MME: variants seen among roughly 807,000 people sequenced by gnomAD.
MME encodes neprilysin.
A neutral mutation model predicts 113.2 loss-of-function variants in MME; 98 were observed. The observed-to-expected ratio is 0.87, with a 90% CI of 0.74 to 1.02. The LOEUF is 1.02. Ranked by LOEUF, MME falls within the 50% of genes least tolerant of loss-of-function variation. The pLI is 0.00. For missense variants in MME, 836 were observed against 896.0 expected (o/e 0.93, Z 0.86); for synonymous variants, 292 against 300.6 (o/e 0.97, Z 0.30).
chr3:155,073,061 CT>C (rs1488267871), intron 1 of MME, among the ~76,000 whole-genome samples: 1 of 152,160 alleles, frequency 6.6e-6, no homozygotes, highest in Non-Finnish European at 1.5e-5. Context: ...ATTTTTATCA[CT>C]ACCGGTTTCC....
intron 1 of MME, among the ~76,000 whole-genome samples, chr3:155,044,934 ATT>A (rs74270351): frequency 8.3e-5 from 12 of 144,418 alleles, no homozygotes; most frequent in Admixed American, 1.4e-4. Flanking sequence ...TTGGTCTGCA[ATT>A]TTTTTTTTTT....
rs1238031645 is a variant in MME at position 155,180,382 on chromosome 3, T to C, written c.2176T>C (p.Ser726Pro). 6.2e-7 allele frequency: 1 copy of C among 1,613,642 alleles called. No homozygotes were observed. The highest frequency in any genetic ancestry group is 2.2e-5 in the East Asian group (1 of 44,880). ...NFRIIGTLQNSAEFSEAFHCR... is the reference protein window; with the variant it reads ...NFRIIGTLQNPAEFSEAFHCR... ...AAGGATTATTGGGACTTTGCAGAAC[T>C]CTGCAGAGTTTTCAGAAGCCTTTCA... The change falls in exon 23 of 23, where the codon TCT (serine) becomes CCT (proline). Residue 726 changes from serine to proline, a missense_variant. Ser to Pro is a moderately conservative substitution (Grantham distance 74). Coordinates refer to ENST00000360490, the MANE Select transcript of MME (RefSeq NM_007289.4).
chr3:155,106,879 C>G (rs906848460), intron 3 of MME, among the ~76,000 whole-genome samples: 2 of 152,194 alleles, frequency 1.3e-5, no homozygotes, highest in South Asian at 2.1e-4. Flanking sequence ...CAACATTTCT[C>G]TGACCTCTGT....
rs1402177037 is a variant in MME at position 155,138,219 on chromosome 3, G to T, written c.838G>T (p.Glu280Ter). 1 of 1,613,456 alleles carries T rather than the reference G, an allele frequency of 6.2e-7. No individual in the cohort carries two copies. Among genetic ancestry groups the T allele is most frequent in the Non-Finnish European group, 8.5e-7 (1 of 1,179,664 alleles). Reference sequence around the variant, plus strand: ...GGAAATGAATAAAGTTATGGAATTGGAAAAAGAAATTGCCAATGTAAAACA... The same window carrying T: ...GGAAATGAATAAAGTTATGGAATTGTAAAAAGAAATTGCCAATGTAAAACA... ...ALEMNKVMEL[E>*]KEIANATAKP... The change falls in exon 9 of 23, where the codon GAA becomes TAA. Residue 280 changes from glutamate (E) to a stop codon, truncating the protein, a stop_gained. Coordinates refer to ENST00000360490, the MANE Select transcript of MME (RefSeq NM_007289.4). LOFTEE classifies it high-confidence loss of function.
At chr3:155,103,694 G>T (rs934712066) in intron 3 of MME, among the ~76,000 whole-genome samples, 1 of 152,134 alleles carries the variant, frequency 6.6e-6, no homozygotes, top group Non-Finnish European at 1.5e-5. Flanking sequence ...ACTGTGGTTT[G>T]TTCTGAATTC....
chr3:155,179,703 T>C (rs899638098), intron 22 of MME, among the ~76,000 whole-genome samples: 11 of 152,132 alleles, frequency 7.2e-5, no homozygotes, highest in Admixed American at 7.2e-4. Flanking sequence ...CAAACACTGC[T>C]AGGTGCAGAT....
chr3:155,158,069 C>T (rs565891076), intron 16 of MME, among the ~76,000 whole-genome samples: 2 of 152,164 alleles, frequency 1.3e-5, no homozygotes, highest in East Asian at 1.9e-4. Flanking sequence ...AAACTTCATT[C>T]GTGTCCTACT....
chr3:155,124,903 C>T (rs1324140221), intron 8 of MME, among the ~76,000 whole-genome samples: 1 of 152,330 alleles, frequency 6.6e-6, no homozygotes, highest in Non-Finnish European at 1.5e-5. Flanking sequence ...AGAGGTGGAG[C>T]CTATAGTGGC....
At chr3:155,068,278 G>A (rs1410922344) in intron 1 of MME, among the ~76,000 whole-genome samples, 1 of 152,216 alleles carries the variant, frequency 6.6e-6, no homozygotes, top group Non-Finnish European at 1.5e-5. Flanking sequence ...CTAAGAATAA[G>A]AGATAGGTGG....
chr3:155,040,405 GC>G (rs1463724623), intron 1 of MME, among the ~76,000 whole-genome samples: 1 of 152,016 alleles, frequency 6.6e-6, no homozygotes, highest in Non-Finnish European at 1.5e-5. Flanking sequence ...ACAGACACTT[GC>G]CTATGATGTC....
intron 3 of MME, among the ~76,000 whole-genome samples, chr3:155,094,171 G>A (rs964847354): frequency 6.6e-6 from 1 of 152,192 alleles, no homozygotes; most frequent in Admixed American, 6.5e-5. Context: ...GAGTAACGGA[G>A]GCACAATTTT....
chr3:155,045,357 C>CCT (rs1214021175), intron 1 of MME, among the ~76,000 whole-genome samples: 1 of 151,920 alleles, frequency 6.6e-6, no homozygotes, highest in Non-Finnish European at 1.5e-5. Context: ...TCCATGTTGG[C>CCT]CGGGATGGTC....
intron 17 of MME, among the ~76,000 whole-genome samples, chr3:155,162,426 A>G (rs535826454): frequency 1.3e-5 from 2 of 152,326 alleles, no homozygotes; most frequent in Admixed American, 1.3e-4. Context: ...ATAGTGGTCT[A>G]TTTCACAAAA....
intron 1 of MME, among the ~76,000 whole-genome samples, chr3:155,068,823 G>C (rs1192453180): frequency 6.6e-6 from 1 of 152,174 alleles, no homozygotes; most frequent in Non-Finnish European, 1.5e-5. Context: ...TAAGGATAAT[G>C]TTCAAAATGT....
At chr3:155,169,728 A>C (rs1259429616) in intron 20 of MME, among the ~76,000 whole-genome samples, 1 of 152,200 alleles carries the variant, frequency 6.6e-6, no homozygotes, top group Non-Finnish European at 1.5e-5. Context: ...TCTCTAAGAC[A>C]AGGATGGATG....
chr3:155,176,881 T>C (rs1712588500), intron 22 of MME, among the ~76,000 whole-genome samples: 1 of 152,112 alleles, frequency 6.6e-6, no homozygotes, highest in African/African-American at 2.4e-5. Context: ...AAATGTTAAC[T>C]AAGAAAGTAA....
At chr3:155,093,628 C>G (rs1379277729) in intron 3 of MME, among the ~76,000 whole-genome samples, 1 of 152,078 alleles carries the variant, frequency 6.6e-6, no homozygotes, top group Non-Finnish European at 1.5e-5. Flanking sequence ...GAGGCCGAGG[C>G]AGGTGGCTCA....
intron 8 of MME, among the ~76,000 whole-genome samples, chr3:155,127,932 G>A (rs771557315): frequency 7.4e-4 from 84 of 114,274 alleles, no homozygotes; most frequent in East Asian, 1.5e-3. Flanking sequence ...CTTACAGCCC[G>A]GAAGTTATTC....
At chr3:155,083,097 T>C (rs559636886) in intron 1 of MME, among the ~76,000 whole-genome samples, 15 of 152,330 alleles carry the variant, frequency 9.8e-5, no homozygotes, top group African/African-American at 3.4e-4. Flanking sequence ...ACTAGGCCCC[T>C]GATGAAATTT....
Sources: gnomAD v4.1 joint callset for allele counts (sites outside exome capture counted in the v4.1 genomes callset) on GRCh38, gnomAD v4.1.1 for gene constraint, MANE v1.5 for transcripts, NCBI Gene and HGNC (gene_info 2026-07-23, HGNC 2026-07-21) for gene names.